Variants in ABCC3 observed in about 807,000 individuals in gnomAD.
The protein encoded by ABCC3 is ATP-binding cassette sub-family C member 3.
ABCC3 carries 121 observed loss-of-function variants against 165.3 expected under a neutral mutation model. The observed-to-expected ratio is 0.73, with a 90% CI of 0.63 to 0.85. ABCC3 has a LOEUF of 0.85. ABCC3 is among the 40% of genes least tolerant of loss of function. ABCC3 has a pLI of 0.00. For synonymous variants in ABCC3, 733 were observed against 810.1 expected (o/e 0.90, Z 1.62); for missense variants, 1,869 against 1,964.1 (o/e 0.95, Z 0.92).
chr17:50,673,336 G>A, intron 18 of ABCC3, 133 bp from the exon 19 acceptor site: 1 of 1,292,410 alleles, frequency 7.7e-7, no homozygotes, highest in Non-Finnish European at 1.1e-6. Context: ...GGCGAGCACA[G>A]GGTGAGTCAC....
In ABCC3 at chr17:50,683,768, G is replaced by A. The variant is rs756696374; in HGVS notation, c.3954+12G>A. 4 of 1,601,510 alleles carry A rather than the reference G, an allele frequency of 2.5e-6. No individual in the cohort carries two copies. Among genetic ancestry groups the A allele is most frequent in the Non-Finnish European group, 2.6e-6 (3 of 1,175,642 alleles). On this transcript the variant is annotated intron_variant, in intron 27 of 30. Coordinates refer to ENST00000285238, the MANE Select transcript of ABCC3 (RefSeq NM_003786.4). Reference sequence around the variant, plus strand: ...ACGGTGGCGAGAAGGTACGCGTGGGGTAGGCGGGCCTGCGTGTGTGTTCAT... The same window carrying A: ...ACGGTGGCGAGAAGGTACGCGTGGGATAGGCGGGCCTGCGTGTGTGTTCAT...
intron 8 of ABCC3, among the ~76,000 whole-genome samples, chr17:50,661,442 G>GA (rs1191679911): frequency 2.0e-5 from 3 of 152,236 alleles, no homozygotes; most frequent in Non-Finnish European, 4.4e-5. Flanking sequence ...TCAGAGAGGT[G>GA]AAGTGACTTG....
chr17:50,667,898 G>A lies in ABCC3; in HGVS notation c.1671G>A (p.Val557=). ...TLITLWVYVY[V]DPNNVLDAEK... is the part of the protein sequence containing the mutation. ...TCACCCTCTGGGTGTACGTGTACGT[G>A]GACCCAAACAATGTGCTGGACGCCG... The change falls in exon 13 of 31, where the codon GTG becomes GTA. Residue 557 remains valine, a synonymous_variant. Coordinates refer to ENST00000285238, the MANE Select transcript of ABCC3 (RefSeq NM_003786.4). The A allele has an allele frequency of 6.2e-7, 1 of 1,614,096 alleles. No individual in the cohort carries two copies. Among genetic ancestry groups the A allele is most frequent in the Non-Finnish European group, 8.5e-7 (1 of 1,179,988 alleles).
intron 29 of ABCC3, among the ~76,000 whole-genome samples, chr17:50,686,394 A>G (rs1968022105): frequency 2.6e-5 from 4 of 152,080 alleles, no homozygotes; most frequent in Admixed American, 1.3e-4. Flanking sequence ...TTGCTGTATC[A>G]CAGCCACCTC....
chr17:50,642,319 C>T (rs1443423637), intron 1 of ABCC3, among the ~76,000 whole-genome samples: 4 of 152,138 alleles, frequency 2.6e-5, no homozygotes, highest in Admixed American at 6.5e-5. Context: ...CCTGTGTGGG[C>T]GGGTACCCCC....
chr17:50,685,380 T>G (rs758146783), intron 29 of ABCC3, among the ~76,000 whole-genome samples: 1 of 152,210 alleles, frequency 6.6e-6, no homozygotes, highest in African/African-American at 2.4e-5. Flanking sequence ...CTGTGCCTAC[T>G]TTTCTTTCAC....
chr17:50,667,831 C>T, intron 12 of ABCC3, 32 bp from the exon 13 acceptor site: 2 of 1,613,708 alleles, frequency 1.2e-6, no homozygotes, highest in Non-Finnish European at 1.7e-6. Context: ...GCTCATTGGA[C>T]TCTACCCTGA....
At chr17:50,673,711 G>T in intron 19 of ABCC3, 53 bp downstream of exon 19, 1 of 1,571,450 alleles carries the variant, frequency 6.4e-7, no homozygotes. Context: ...CATTCCCCCT[G>T]TCTGGGGTCT....
intron 19 of ABCC3, chr17:50,674,488 C>T (rs1188733637): frequency 6.6e-6 from 1 of 152,218 alleles, no homozygotes; most frequent in Non-Finnish European, 1.5e-5. Context: ...GCTTATTTAT[C>T]AACCAAAATT....
intron 1 of ABCC3, among the ~76,000 whole-genome samples, chr17:50,636,369 TAA>T (rs4148406): frequency 2.1e-5 from 3 of 145,438 alleles, no homozygotes; most frequent in African/African-American, 5.0e-5. Flanking sequence ...GCAATGGAGG[TAA>T]AAAAAAAAAC....
rs551990146 is a variant in ABCC3, at chr17:50,637,837, G to T, written c.45+2856G>T. On this transcript the variant is annotated intron_variant, in intron 1 of 30. Coordinates refer to ENST00000285238, the MANE Select transcript of ABCC3 (RefSeq NM_003786.4). ...TAGAAGAAAATGTCAGACGTGGGAA[G>T]ACCTGCAGGGAAAGAGCTGGTAGGG... 1.4e-4 allele frequency among the ~76,000 whole-genome samples: 21 copies of T among 152,374 alleles called. 1 individual carries two copies. The South Asian group carries it at 4.3e-3, about 32-fold the overall frequency.
In ABCC3 at chr17:50,677,839, C is replaced by A; in HGVS notation, c.3474C>A (p.Ala1158=). The change falls in exon 24 of 31, where the codon GCC becomes GCA. Residue 1158 remains alanine (A), a synonymous_variant. Coordinates refer to ENST00000285238, the MANE Select transcript of ABCC3 (RefSeq NM_003786.4). ...ACTTTTCGGAGACAGTGACTGGTGC[C>A]AGTGTCATCCGGGCCTACAACCGCA... ...YSHFSETVTG[A]SVIRAYNRSR... is the part of the protein sequence containing the mutation. 6.2e-7 allele frequency: 1 copy of A among 1,614,160 alleles called. No individual in the cohort carries two copies.
At chr17:50,668,398 A>G (rs752046341) in intron 13 of ABCC3, 32 bp from the exon 14 acceptor site, 3 of 1,593,006 alleles carry the variant, frequency 1.9e-6, no homozygotes, top group Non-Finnish European at 2.6e-6. Flanking sequence ...GGGAAAGTAC[A>G]GTCTCTAGGG....
intron 1 of ABCC3, among the ~76,000 whole-genome samples, chr17:50,645,694 G>A (rs751382897): frequency 2.0e-5 from 3 of 151,988 alleles, no homozygotes; most frequent in African/African-American, 7.3e-5. Flanking sequence ...ACAAACTCCC[G>A]GGCTCAAGAG....
chr17:50,647,099 G>A (rs186058614), intron 1 of ABCC3, among the ~76,000 whole-genome samples: 63 of 152,196 alleles, frequency 4.1e-4, no homozygotes, highest in African/African-American at 1.4e-3. Context: ...GGCTGGTCTC[G>A]AACTCCTGAC....
chr17:50,670,409 A>T (rs1967623275), intron 17 of ABCC3, among the ~76,000 whole-genome samples: 3 of 152,056 alleles, frequency 2.0e-5, no homozygotes. Flanking sequence ...CCTCAGTTTT[A>T]ACAACTGAGG....
intron 26 of ABCC3, 77 bp from the exon 27 acceptor site, chr17:50,683,533 C>T: frequency 6.9e-7 from 1 of 1,442,402 alleles, no homozygotes; most frequent in South Asian, 1.5e-5. Context: ...ATTGAGGGGC[C>T]TTGGGGGAGA....
At chr17:50,635,482 A>G (rs1389721343) in intron 1 of ABCC3, 3 of 702,352 alleles carry the variant, frequency 4.3e-6, no homozygotes, top group South Asian at 3.0e-5. Context: ...GCAGTGTCCC[A>G]CCCTTCTTAG....
chr17:50,648,085 G>A (rs1967038835), intron 1 of ABCC3, among the ~76,000 whole-genome samples: 1 of 152,096 alleles, frequency 6.6e-6, no homozygotes, highest in African/African-American at 2.4e-5. Context: ...GTTCTATAGG[G>A]TGGATTGAAC....
Sources: allele counts gnomAD v4.1 joint callset (sites outside exome capture counted in the v4.1 genomes callset), GRCh38; gene constraint gnomAD v4.1.1; transcripts MANE v1.5; gene names NCBI Gene and HGNC (gene_info 2026-07-23, HGNC 2026-07-21).